The following ASIC2 variants were observed in gnomAD, a reference collection of about 807,000 sequenced individuals.
ASIC2 encodes acid sensing ion channel subunit 2.
ASIC2 carries 25 observed loss-of-function variants against 57.3 expected under a neutral mutation model. The observed-to-expected ratio is 0.44, with a 90% confidence interval of 0.32 to 0.61. ASIC2 has a LOEUF of 0.61. Ranked by LOEUF, ASIC2 falls within the 20% of genes least tolerant of loss-of-function variation. The pLI is 0.06. For synonymous variants in ASIC2, 319 were observed against 307.5 expected (o/e 1.04, Z -0.39); for missense variants, 641 against 738.1 (o/e 0.87, Z 1.52).
At chr17:33,424,353 G>C (rs780172411) in intron 1 of ASIC2, among the ~76,000 whole-genome samples, 12 of 152,224 alleles carry the variant, frequency 7.9e-5, no homozygotes, top group South Asian at 2.1e-4. Context: ...CTGCACCACT[G>C]TCTGGGAAAC....
At chr17:33,855,750 G>A (rs1341509380) in intron 1 of ASIC2, among the ~76,000 whole-genome samples, 1 of 152,116 alleles carries the variant, frequency 6.6e-6, no homozygotes, top group Non-Finnish European at 1.5e-5. Flanking sequence ...CTTTTCTGTT[G>A]CCTGACCTAA....
At chr17:33,037,872 C>T (rs1220311029) in intron 3 of ASIC2, among the ~76,000 whole-genome samples, 1 of 152,140 alleles carries the variant, frequency 6.6e-6, no homozygotes. Flanking sequence ...AGTGACTTCT[C>T]CATCACCAGG....
chr17:33,556,089 G>T (rs1169628867), intron 1 of ASIC2, among the ~76,000 whole-genome samples: 1 of 152,222 alleles, frequency 6.6e-6, no homozygotes, highest in Non-Finnish European at 1.5e-5. Flanking sequence ...GTGGACACTG[G>T]TTTCCCAGCA....
intron 1 of ASIC2, among the ~76,000 whole-genome samples, chr17:33,881,205 C>G (rs1158135872): frequency 2.0e-5 from 3 of 152,144 alleles, no homozygotes; most frequent in Admixed American, 6.5e-5. Context: ...TGGCAGAAGA[C>G]AGGAATGCCC....
chr17:33,276,372 T>C (rs1229342423), intron 1 of ASIC2, among the ~76,000 whole-genome samples: 1 of 152,192 alleles, frequency 6.6e-6, no homozygotes. Flanking sequence ...CTAAAGGCCT[T>C]GTAGCGACAA....
intron 1 of ASIC2, among the ~76,000 whole-genome samples, chr17:33,343,220 C>T (rs761736774): frequency 1.4e-4 from 22 of 152,184 alleles, no homozygotes; most frequent in Non-Finnish European, 2.2e-4. Context: ...CCCACTTACA[C>T]GTTCAGGGCT....
intron 1 of ASIC2, among the ~76,000 whole-genome samples, chr17:33,745,584 A>T (rs573914673): frequency 2.4e-4 from 37 of 152,204 alleles, no homozygotes; most frequent in African/African-American, 8.2e-4. Flanking sequence ...ACCCAATAAG[A>T]TTAACCATTG....
chr17:33,511,540 A>G (rs2141949350), intron 1 of ASIC2, among the ~76,000 whole-genome samples: 1 of 152,226 alleles, frequency 6.6e-6, no homozygotes, highest in East Asian at 1.9e-4. Flanking sequence ...CTCATACTCT[A>G]AAGCCCATCA....
intron 1 of ASIC2, among the ~76,000 whole-genome samples, chr17:33,641,357 C>T (rs1597818063): frequency 6.6e-6 from 1 of 152,226 alleles, no homozygotes; most frequent in South Asian, 2.1e-4. Context: ...AGCACACGCT[C>T]AGCATATACT....
In ASIC2 at chr17:33,879,955, T is replaced by C. The variant is rs1914658222; in HGVS notation, c.555+276023A>G. On this transcript the variant is annotated intron_variant, in intron 1 of 9. Coordinates refer to the ASIC2 transcript ENST00000359872. ...TAGAACTCAGGATTAAGAAACTCAC[T>C]CAAAACTGCTCAACTACATGGAAAC... 3.9e-5 allele frequency among the ~76,000 whole-genome samples: 6 copies of C among 152,240 alleles called. No individual in the cohort carries two copies. In the South Asian group the frequency reaches 1.2e-3, roughly 32 times the overall value.
intron 1 of ASIC2, among the ~76,000 whole-genome samples, chr17:33,779,388 CATTAAGAATGAATTT>C (rs1173647241): frequency 6.6e-6 from 1 of 152,156 alleles, no homozygotes; most frequent in Non-Finnish European, 1.5e-5. Flanking sequence ...ATTATCAATG[CATTAAGAATGAATTT>C]ATCATCCCGG....
intron 2 of ASIC2, among the ~76,000 whole-genome samples, chr17:33,099,135 G>A (rs2092199027): frequency 6.6e-6 from 1 of 151,900 alleles, no homozygotes; most frequent in Admixed American, 6.6e-5. Context: ...TGGGATTACA[G>A]GCATGCACCA....
At chr17:33,539,303 A>G (rs1183690266) in intron 1 of ASIC2, among the ~76,000 whole-genome samples, 1 of 152,206 alleles carries the variant, frequency 6.6e-6, no homozygotes. Flanking sequence ...GCCCTTCTGG[A>G]CTTTCCCTGG....
At chr17:34,101,441 TAACA>T (rs1171601079) in intron 1 of ASIC2, among the ~76,000 whole-genome samples, 1 of 152,182 alleles carries the variant, frequency 6.6e-6, no homozygotes, top group Non-Finnish European at 1.5e-5. Context: ...TACCTGAAGG[TAACA>T]AACACACGGC....
intron 9 of ASIC2, among the ~76,000 whole-genome samples, chr17:33,015,041 C>T (rs2091798666): frequency 6.6e-6 from 1 of 152,228 alleles, no homozygotes; most frequent in Non-Finnish European, 1.5e-5. Flanking sequence ...TTCCACACTG[C>T]CCTCCCCTTC....
intron 1 of ASIC2, among the ~76,000 whole-genome samples, chr17:34,152,774 C>T (rs867170889): frequency 1.3e-5 from 2 of 152,170 alleles, no homozygotes; most frequent in South Asian, 2.1e-4. Context: ...GGGCTTCAAA[C>T]CTTTGTCTTT....
At chr17:33,618,123 C>T (rs1391592890) in intron 1 of ASIC2, among the ~76,000 whole-genome samples, 1 of 151,888 alleles carries the variant, frequency 6.6e-6, no homozygotes, top group Non-Finnish European at 1.5e-5. Flanking sequence ...TTATCCATCC[C>T]CAGGAATTCA....
intron 1 of ASIC2, among the ~76,000 whole-genome samples, chr17:33,616,332 G>A (rs1465519538): frequency 6.6e-6 from 1 of 152,160 alleles, no homozygotes; most frequent in Non-Finnish European, 1.5e-5. Flanking sequence ...AGGAGTAGAG[G>A]CTGATTCTAA....
At chr17:33,037,934 A>G (rs1398924502) in intron 3 of ASIC2, among the ~76,000 whole-genome samples, 2 of 152,194 alleles carry the variant, frequency 1.3e-5, no homozygotes, top group Admixed American at 1.3e-4. Context: ...GAAGAGAGAG[A>G]GATTCAAGCA....
Sources: allele counts gnomAD v4.1 joint callset (sites outside exome capture counted in the v4.1 genomes callset), GRCh38; gene constraint gnomAD v4.1.1; transcripts MANE v1.5; gene names NCBI Gene and HGNC (gene_info 2026-07-23, HGNC 2026-07-21).